The following ROBO2 variants were observed in gnomAD, a reference collection of about 807,000 sequenced individuals.
ROBO2 encodes roundabout homolog 2.
A neutral mutation model predicts 160.8 loss-of-function variants in ROBO2; 53 were observed. That is an observed-to-expected ratio of 0.33 (90% CI 0.26 to 0.41). ROBO2 has a LOEUF of 0.41. Among genes scored for constraint, ROBO2 ranks in the 10% least tolerant of loss-of-function variants. The pLI, the probability that ROBO2 is intolerant of heterozygous loss-of-function variation, is 1.00. For missense variants in ROBO2, 1,577 were observed against 1,722.4 expected (o/e 0.92, Z 1.49); for synonymous variants, 664 against 611.7 (o/e 1.09, Z -1.26).
intron 2 of ROBO2, among the ~76,000 whole-genome samples, chr3:76,910,297 C>T (rs72631207): frequency 0.16 from 23,841 of 152,142 alleles, 1,992 homozygotes; most frequent in South Asian, 0.21. Context: ...TCCTCAACAA[C>T]TTGTAGATGA....
chr3:77,127,378 T>C (rs1403123545), intron 2 of ROBO2, among the ~76,000 whole-genome samples: 2 of 152,154 alleles, frequency 1.3e-5, no homozygotes, highest in Admixed American at 6.5e-5. Context: ...CATACTGAAC[T>C]TTTTCTTGTG....
At chr3:77,408,477 A>G (rs2076435933) in intron 2 of ROBO2, among the ~76,000 whole-genome samples, 1 of 152,160 alleles carries the variant, frequency 6.6e-6, no homozygotes, top group South Asian at 2.1e-4. Context: ...TTTAGAATTG[A>G]CACCCCCTCA....
chr3:77,592,566 T>G (rs1351241003), intron 17 of ROBO2, among the ~76,000 whole-genome samples: 1 of 152,152 alleles, frequency 6.6e-6, no homozygotes, highest in Admixed American at 6.6e-5. Flanking sequence ...TAATTTTTTC[T>G]TTTGAGAGAG....
At chr3:76,309,753 A>G (rs1199602525) in intron 2 of ROBO2, among the ~76,000 whole-genome samples, 1 of 151,920 alleles carries the variant, frequency 6.6e-6, no homozygotes, top group East Asian at 1.9e-4. Flanking sequence ...ACAGATTTAA[A>G]ATAGTAGCCA....
At chr3:76,446,393 A>G (rs753285333) in intron 2 of ROBO2, among the ~76,000 whole-genome samples, 25 of 152,200 alleles carry the variant, frequency 1.6e-4, no homozygotes, top group Non-Finnish European at 3.1e-4. Context: ...ATAGAAGAGG[A>G]CACAAACAAG....
chr3:76,122,863 CT>C (rs1465881329), intron 2 of ROBO2, among the ~76,000 whole-genome samples: 2 of 152,036 alleles, frequency 1.3e-5, no homozygotes, highest in African/African-American at 4.8e-5. Flanking sequence ...CTAAATTATT[CT>C]TTACCTATAA....
intron 2 of ROBO2, among the ~76,000 whole-genome samples, chr3:76,820,852 C>G (rs1019044535): frequency 2.0e-5 from 3 of 151,840 alleles, no homozygotes; most frequent in African/African-American, 7.3e-5. Flanking sequence ...TCCAGCTATT[C>G]AACAGGGTTT....
chr3:76,840,950 A>G (rs2068198640), intron 2 of ROBO2, among the ~76,000 whole-genome samples: 1 of 152,002 alleles, frequency 6.6e-6, no homozygotes, highest in Non-Finnish European at 1.5e-5. Context: ...GGAACATCTG[A>G]TGGTCCAACT....
At chr3:76,673,520 A>G (rs987976898) in intron 2 of ROBO2, among the ~76,000 whole-genome samples, 2 of 152,168 alleles carry the variant, frequency 1.3e-5, no homozygotes, top group African/African-American at 4.8e-5. Flanking sequence ...AACTTTCAGA[A>G]CCATTCATAT....
intron 2 of ROBO2, among the ~76,000 whole-genome samples, chr3:76,099,713 T>TA (rs903427395): frequency 6.6e-6 from 1 of 152,128 alleles, no homozygotes; most frequent in African/African-American, 2.4e-5. Context: ...TTTTTTTCTC[T>TA]AAAAAAATTT....
At chr3:76,809,885 G>T (rs1326656468) in intron 2 of ROBO2, among the ~76,000 whole-genome samples, 3 of 151,876 alleles carry the variant, frequency 2.0e-5, no homozygotes, top group Non-Finnish European at 2.9e-5. Context: ...ATTGACACTA[G>T]AGAACAGGAC....
chr3:76,022,241 C>G (rs1021623396), intron 2 of ROBO2, among the ~76,000 whole-genome samples: 11 of 151,750 alleles, frequency 7.2e-5, no homozygotes, highest in African/African-American at 2.7e-4. Context: ...TTTACTTCCT[C>G]TGAAGAGTTA....
At chr3:76,913,860 C>T (rs1489662839) in intron 2 of ROBO2, among the ~76,000 whole-genome samples, 1 of 151,516 alleles carries the variant, frequency 6.6e-6, no homozygotes, top group Non-Finnish European at 1.5e-5. Flanking sequence ...AAAAATACTC[C>T]TTTAGAGGAG....
intron 2 of ROBO2, among the ~76,000 whole-genome samples, chr3:77,101,550 A>G (rs2071932511): frequency 6.6e-6 from 1 of 152,118 alleles, no homozygotes; most frequent in African/African-American, 2.4e-5. Context: ...ATAGAAGTAG[A>G]TGTGATTTCC....
intron 2 of ROBO2, among the ~76,000 whole-genome samples, chr3:76,483,248 T>C (rs1417845408): frequency 6.6e-6 from 1 of 152,142 alleles, no homozygotes; most frequent in Admixed American, 6.6e-5. Flanking sequence ...GAATAACTCT[T>C]ATTACATTTG....
chr3:76,590,749 G>GTT (rs1226779135), intron 2 of ROBO2, among the ~76,000 whole-genome samples: 1 of 152,030 alleles, frequency 6.6e-6, no homozygotes, highest in Non-Finnish European at 1.5e-5. Context: ...TACTTTAGAA[G>GTT]TTTTGTATAG....
At chr3:76,582,700 G>C (rs1165126374) in intron 2 of ROBO2, among the ~76,000 whole-genome samples, 1 of 152,032 alleles carries the variant, frequency 6.6e-6, no homozygotes, top group Non-Finnish European at 1.5e-5. Context: ...ATGGTTTTCT[G>C]CTTATAATAA....
intron 13 of ROBO2, among the ~76,000 whole-genome samples, chr3:77,570,287 G>A (rs192554251): frequency 1.4e-3 from 209 of 152,088 alleles, no homozygotes; most frequent in African/African-American, 4.8e-3. Context: ...AGAGTAAATA[G>A]CATTAGATCA....
At chr3:77,369,731 T>G (rs910859923) in intron 2 of ROBO2, among the ~76,000 whole-genome samples, 1 of 152,166 alleles carries the variant, frequency 6.6e-6, no homozygotes, top group Admixed American at 6.6e-5. Context: ...GTTAGGGTTT[T>G]ATGGATAGAC....
Sources: gnomAD v4.1 joint callset for allele counts (sites outside exome capture counted in the v4.1 genomes callset) on GRCh38, gnomAD v4.1.1 for gene constraint, MANE v1.5 for transcripts, NCBI Gene and HGNC (gene_info 2026-07-23, HGNC 2026-07-21) for gene names.